Variants in PSD3 observed in about 807,000 individuals in gnomAD.
PSD3 encodes the protein pleckstrin and Sec7 domain containing 3, also known as PH and SEC7 domain-containing protein 3.
PSD3 carries 49 observed loss-of-function variants against 105.5 expected under a neutral mutation model. The ratio of observed to expected loss-of-function variants is 0.46; its 90% CI spans 0.37 to 0.59. PSD3 has a LOEUF of 0.59. Ranked by LOEUF, PSD3 falls within the 20% of genes least tolerant of loss-of-function variation. The probability of loss-of-function intolerance (pLI) is 0.00; values close to 1 mark genes in which losing one functional copy is unlikely to be tolerated. For missense variants in PSD3, 1,561 were observed against 1,263.8 expected (o/e 1.24, Z -3.57); for synonymous variants, 557 against 457.8 (o/e 1.22, Z -2.77).
intron 9 of PSD3, among the ~76,000 whole-genome samples, chr8:18,748,577 G>A (rs866990999): frequency 6.7e-5 from 10 of 150,212 alleles, no homozygotes; most frequent in Admixed American, 1.3e-4. Context: ...GGAGAATGGC[G>A]TGAACCTGGG....
intron 15 of PSD3, among the ~76,000 whole-genome samples, chr8:18,553,958 G>A (rs1384937560): frequency 2.0e-5 from 3 of 152,042 alleles, no homozygotes; most frequent in East Asian, 1.9e-4. Flanking sequence ...CTGCAAGCTC[G>A]CTGAGGTGAC....
At chr8:19,028,299 C>CCCCCCT (rs1563517980) in intron 1 of PSD3, among the ~76,000 whole-genome samples, 8 of 96,158 alleles carry the variant, frequency 8.3e-5, no homozygotes, top group African/African-American at 1.7e-4. Context: ...CCGGCCCACC[C>CCCCCCT]TTTTTTTTTT....
At chr8:18,797,175 C>A (rs1177483480) in intron 8 of PSD3, among the ~76,000 whole-genome samples, 3 of 152,132 alleles carry the variant, frequency 2.0e-5, no homozygotes, top group Non-Finnish European at 1.5e-5. Flanking sequence ...CTTGTAACAG[C>A]ATGCATTATG....
chr8:18,772,718 C>A (rs966356829), intron 8 of PSD3, among the ~76,000 whole-genome samples: 8 of 152,178 alleles, frequency 5.3e-5, no homozygotes, highest in African/African-American at 1.9e-4. Context: ...CCATGTTGCA[C>A]AGGCTGGTCT....
intron 9 of PSD3, among the ~76,000 whole-genome samples, chr8:18,662,551 C>G (rs1387299541): frequency 1.3e-5 from 2 of 152,172 alleles, no homozygotes; most frequent in African/African-American, 4.8e-5. Flanking sequence ...GAATTTGAAA[C>G]GGGTGGGTGG....
chr8:19,042,247 G>A (rs1586659670), intron 1 of PSD3, among the ~76,000 whole-genome samples: 1 of 152,154 alleles, frequency 6.6e-6, no homozygotes, highest in East Asian at 1.9e-4. Flanking sequence ...GATATCAAAT[G>A]CCAGTGTGAT....
chr8:18,927,419 G>A (rs1030672507), intron 2 of PSD3, among the ~76,000 whole-genome samples: 11 of 151,942 alleles, frequency 7.2e-5, no homozygotes, highest in African/African-American at 2.7e-4. Context: ...TCATCACGTT[G>A]GTCAAGTTGG....
intron 2 of PSD3, among the ~76,000 whole-genome samples, chr8:18,934,397 T>A (rs1821939553): frequency 6.6e-6 from 1 of 152,206 alleles, no homozygotes; most frequent in African/African-American, 2.4e-5. Context: ...ACTTATTACA[T>A]ACCAAGCATG....
rs748200820 is a variant in PSD3, at chr8:18,535,827, T to G, written c.3060A>C (p.Pro1020=). Residue 1020 remains proline, a synonymous_variant, in exon 16 of 16, where the codon CCA becomes CCC. Transcript: ENST00000327040. Reference sequence around the variant, plus strand: ...CGTTACGCTTGACTTTGGCAGTGATTGGAGAAGTATCCGGGTTCAGCGAAG... The same window carrying G: ...CGTTACGCTTGACTTTGGCAGTGATGGGAGAAGTATCCGGGTTCAGCGAAG... ...SSPSLNPDTS[P]ITAKVKRNVS... 6 of 1,614,052 alleles carry G rather than the reference T, an allele frequency of 3.7e-6. No homozygotes were observed. The highest frequency in any genetic ancestry group is 4.2e-6 in the Non-Finnish European group (5 of 1,180,016).
intron 9 of PSD3, among the ~76,000 whole-genome samples, chr8:18,738,004 G>A (rs988161900): frequency 6.6e-6 from 1 of 152,162 alleles, no homozygotes; most frequent in African/African-American, 2.4e-5. Flanking sequence ...ACACCAACTA[G>A]AAGCTATCTT....
Position 18,660,155 on chromosome 8 carries a change from G to A in PSD3, c.2173-4470C>T, listed in dbSNP as rs190496556. On this transcript the variant is annotated intron_variant, in intron 9 of 15. Coordinates refer to ENST00000327040, the MANE Select transcript of PSD3 (RefSeq NM_015310.4). ...TGAGATGGGGAACGTACGTGGGTGG[G>A]CTCTAAATGCAATCACAAGTGTCTT... Among the ~76,000 whole-genome samples the A allele has an allele frequency of 3.4e-3, 515 of 152,258 alleles. 14 individuals are homozygous for A. Among genetic ancestry groups the A allele is most frequent in the Admixed American group, 0.029 (450 of 15,286 alleles).
intron 4 of PSD3, among the ~76,000 whole-genome samples, chr8:18,866,753 T>C (rs151076130): frequency 6.6e-4 from 100 of 151,636 alleles, no homozygotes; most frequent in Middle Eastern, 3.5e-3. Flanking sequence ...GAGAGGTCCA[T>C]TGAAAACCTG....
intron 11 of PSD3, among the ~76,000 whole-genome samples, chr8:18,616,628 C>T (rs71502564): frequency 0.3 from 37,064 of 124,646 alleles, 6,103 homozygotes; most frequent in South Asian, 0.4. Flanking sequence ...CTTTTCTTTT[C>T]TTTTTTTTTT....
At chr8:18,676,737 C>G (rs936466502) in intron 9 of PSD3, among the ~76,000 whole-genome samples, 1 of 152,190 alleles carries the variant, frequency 6.6e-6, no homozygotes, top group African/African-American at 2.4e-5. Context: ...ATACTTTAGC[C>G]TTGATAACAA....
intron 10 of PSD3, among the ~76,000 whole-genome samples, chr8:18,639,774 G>A (rs1015779555): frequency 2.0e-5 from 3 of 152,126 alleles, no homozygotes; most frequent in African/African-American, 7.2e-5. Context: ...TGTTATGGCA[G>A]CCAAAGGAAA....
At chr8:19,049,433 C>T (rs966387388) in intron 1 of PSD3, among the ~76,000 whole-genome samples, 6 of 152,132 alleles carry the variant, frequency 3.9e-5, no homozygotes, top group African/African-American at 2.4e-5. Context: ...CCCACACCTG[C>T]AATCTCAGTG....
rs534773594 is a variant in PSD3, at chr8:18,918,334, T to C, written c.130+17700A>G. On this transcript the variant is annotated intron_variant, in intron 2 of 15. Transcript: ENST00000327040. ...TGCTCAGATCTCAGATGTCACCTCT[T>C]CCAAGAAGCCTTCTCTCCATCCTGA... 2.0e-5 allele frequency among the ~76,000 whole-genome samples: 3 copies of C among 152,280 alleles called. No individual in the cohort carries two copies. In the South Asian group the frequency reaches 6.2e-4, roughly 32 times the overall value.
intron 9 of PSD3, among the ~76,000 whole-genome samples, chr8:18,702,888 A>G (rs1430786716): frequency 6.6e-6 from 1 of 152,112 alleles, no homozygotes; most frequent in African/African-American, 2.4e-5. Context: ...CTGGGATTAC[A>G]GGTGTGAGCC....
At chr8:18,805,029 T>C (rs1438315084) in intron 4 of PSD3, 131 bp from the exon 5 acceptor site, 4 of 800,754 alleles carry the variant, frequency 5.0e-6, no homozygotes, top group Non-Finnish European at 7.5e-6. Context: ...TGTTTAAATA[T>C]TCATAAAAAT....
Sources: gnomAD v4.1 joint callset for allele counts (sites outside exome capture counted in the v4.1 genomes callset) on GRCh38, gnomAD v4.1.1 for gene constraint, MANE v1.5 for transcripts, NCBI Gene and HGNC (gene_info 2026-07-23, HGNC 2026-07-21) for gene names.